The following ATF7 variants were observed in gnomAD, a reference collection of about 807,000 sequenced individuals.
ATF7 encodes activating transcription factor 7, also known as cyclic AMP-dependent transcription factor ATF-7.
In ATF7, 10 loss-of-function variants were observed where a neutral mutation model predicts 50.4. That is an observed-to-expected ratio of 0.20 (90% confidence interval 0.12 to 0.34). ATF7 has a LOEUF of 0.34. Ranked by LOEUF, ATF7 falls within the 10% of genes least tolerant of loss-of-function variation. The probability of loss-of-function intolerance (pLI) is 1.00; values close to 1 mark genes in which losing one functional copy is unlikely to be tolerated. For synonymous variants in ATF7, 201 were observed against 226.4 expected (o/e 0.89, Z 1.01); for missense variants, 465 against 613.9 (o/e 0.76, Z 2.56).
chr12:53,551,744 T>G (rs1181027814), intron 3 of ATF7, among the ~76,000 whole-genome samples: 1 of 152,224 alleles, frequency 6.6e-6, no homozygotes, highest in Non-Finnish European at 1.5e-5. Flanking sequence ...TTATATGAGT[T>G]ATTAACTAAT....
intron 2 of ATF7, among the ~76,000 whole-genome samples, chr12:53,574,060 G>GA (rs1941921129): frequency 1.3e-5 from 2 of 152,108 alleles, no homozygotes; most frequent in African/African-American, 4.8e-5. Context: ...ACAGAAAATT[G>GA]TAAGTCATAT....
At chr12:53,518,492 T>A (rs1354162882) in intron 11 of ATF7, among the ~76,000 whole-genome samples, 2 of 152,366 alleles carry the variant, frequency 1.3e-5, no homozygotes, top group East Asian at 3.9e-4. Flanking sequence ...GGTCTCACTC[T>A]GTCACCCAGG....
In ATF7 at chr12:53,524,726, C is replaced by T. The variant is rs766730069; in HGVS notation, c.963G>A (p.Gly321=). The change falls in exon 10 of 12, where the codon GGG becomes GGA. Residue 321 remains glycine, a synonymous_variant. Transcript: ENST00000420353. The surrounding 1 kb of genome is among the most constrained non-coding windows in gnomAD (Gnocchi z 4.6). ...SPAQPTPSTG[G]RRRRTVDEDP... is the part of the protein sequence containing the mutation. ...CTTCATCTACTGTGCGCCGCCGTCG[C>T]CCCCCAGTACTAGGGGTGGGCTGAG... The T allele has an allele frequency of 4.3e-5, 69 of 1,610,998 alleles. No individual in the cohort carries two copies. The South Asian group carries it at 5.4e-4, about 13-fold the overall frequency.
chr12:53,577,784 A>G (rs1208759318), intron 2 of ATF7, among the ~76,000 whole-genome samples: 1 of 152,128 alleles, frequency 6.6e-6, no homozygotes, highest in Non-Finnish European at 1.5e-5. Flanking sequence ...TTGCTAAACA[A>G]TAACTAAAGC....
chr12:53,545,000 C>T (rs1182398939), intron 3 of ATF7, among the ~76,000 whole-genome samples: 1 of 152,130 alleles, frequency 6.6e-6, no homozygotes, highest in East Asian at 1.9e-4. Flanking sequence ...TAGTATCATC[C>T]TTTATGCTTA....
intron 2 of ATF7, among the ~76,000 whole-genome samples, chr12:53,577,795 G>T (rs79204408): frequency 6.7e-6 from 1 of 150,288 alleles, no homozygotes; most frequent in Non-Finnish European, 1.5e-5. Context: ...TAACTAAAGC[G>T]ATAACTAAAA....
Position 53,534,533 on chromosome 12 carries a change from T to C in ATF7, c.529A>G (p.Thr177Ala), listed in dbSNP as rs767082558. 3.1e-5 allele frequency: 50 copies of C among 1,613,760 alleles called. No homozygotes were observed. Among genetic ancestry groups the C allele is most frequent in the Non-Finnish European group, 3.3e-5 (39 of 1,179,854 alleles). The stretch of plus-strand genomic sequence containing the variant: ...TGCCTGTTGGATGGTGGAGCCTGTG[T>C]GATGACAGAGGTTGGGGAGGGAAGG... ...PTLPSPTSVI[T>A]QAPPSNRQMG... is the part of the protein sequence containing the mutation. Residue 177 changes from threonine (T) to alanine (A), a missense_variant, in exon 6 of 12, where the codon ACA (threonine) becomes GCA (alanine). Thr to Ala is a moderately conservative substitution (Grantham distance 58). Coordinates refer to ENST00000420353, the MANE Select transcript of ATF7 (RefSeq NM_006856.3).
intron 2 of ATF7, among the ~76,000 whole-genome samples, chr12:53,585,588 G>A (rs1212124568): frequency 1.3e-5 from 2 of 152,172 alleles, no homozygotes; most frequent in Non-Finnish European, 2.9e-5. Flanking sequence ...CTAAGTAAAT[G>A]TGAATAGCTT....
At chr12:53,546,719 G>A (rs1167425072) in intron 3 of ATF7, among the ~76,000 whole-genome samples, 1 of 151,372 alleles carries the variant, frequency 6.6e-6, no homozygotes, top group Non-Finnish European at 1.5e-5. Context: ...CAAAGTGCTG[G>A]GATTACAGGC....
intron 3 of ATF7, among the ~76,000 whole-genome samples, chr12:53,548,151 G>C (rs945411560): frequency 6.6e-6 from 1 of 151,912 alleles, no homozygotes; most frequent in Non-Finnish European, 1.5e-5. Flanking sequence ...GTAGGCGTGA[G>C]GCACTGTGCC....
At chr12:53,521,043 A>AGC (rs1288938414) in intron 11 of ATF7, among the ~76,000 whole-genome samples, 11 of 149,040 alleles carry the variant, frequency 7.4e-5, no homozygotes, top group Non-Finnish European at 1.0e-4. Context: ...CCCAGGCTGG[A>AGC]GCGCAATGGC....
rs1467801631 is a variant in ATF7, at chr12:53,543,470, A to C, written c.146-22T>G. 1.9e-6 allele frequency: 3 copies of C among 1,546,384 alleles called. No individual in the cohort carries two copies. The South Asian group carries it at 3.7e-5, about 19-fold the overall frequency. On this transcript the variant is annotated intron_variant, in intron 3 of 11. Transcript: ENST00000420353. Reference sequence around the variant, plus strand: ...TGATCTGTAGACATGAAAGAAAAGGAAACTGTTTTAGTTTTGATCTGAAAT... The same window carrying C: ...TGATCTGTAGACATGAAAGAAAAGGCAACTGTTTTAGTTTTGATCTGAAAT...
chr12:53,551,454 A>C (rs1238823729), intron 3 of ATF7, among the ~76,000 whole-genome samples: 1 of 150,996 alleles, frequency 6.6e-6, no homozygotes, highest in Non-Finnish European at 1.5e-5. Context: ...GAGCCACCAC[A>C]CCTGATCTTC....
intron 2 of ATF7, among the ~76,000 whole-genome samples, chr12:53,587,381 A>G (rs1184550251): frequency 2.0e-5 from 3 of 148,094 alleles, no homozygotes; most frequent in Non-Finnish European, 3.0e-5. Flanking sequence ...AAAAAAAAAA[A>G]AAGAAGGAAA....
At chr12:53,605,571 C>T (rs1204964045) in intron 1 of ATF7, among the ~76,000 whole-genome samples, 3 of 152,146 alleles carry the variant, frequency 2.0e-5, no homozygotes, top group African/African-American at 4.8e-5. Context: ...GTAAATGAGA[C>T]AGATATGATT....
rs1937702337 is a variant in ATF7 at position 53,516,404 on chromosome 12, G to A, written c.*733C>T. On this transcript the variant is annotated 3_prime_UTR_variant, in exon 12 of 12. Coordinates refer to ENST00000420353, the MANE Select transcript of ATF7 (RefSeq NM_006856.3). ...ACCCCACCACTACACTAAAGTCAAG[G>A]GACAAAATGAGGTACCCAAATAGCT... 1 of 152,310 alleles carries A rather than the reference G, an allele frequency of 6.6e-6. No individual in the cohort carries two copies. The highest frequency in any genetic ancestry group is 6.6e-5 in the Admixed American group (1 of 15,262). The allele number at this position is 152,310 out of a possible 1,614,324, so 9.4% of individuals were successfully genotyped here.
intron 2 of ATF7, among the ~76,000 whole-genome samples, chr12:53,588,178 A>T (rs889125585): frequency 6.6e-6 from 1 of 152,138 alleles, no homozygotes; most frequent in Non-Finnish European, 1.5e-5. Flanking sequence ...CACTTAAATT[A>T]TTTCATGTAA....
chr12:53,567,103 C>T (rs2137598428), intron 2 of ATF7, among the ~76,000 whole-genome samples: 1 of 152,300 alleles, frequency 6.6e-6, no homozygotes, highest in African/African-American at 2.4e-5. Context: ...TGAAACCATT[C>T]CTAACCAATA....
At chr12:53,544,170 G>C (rs1245484425) in intron 3 of ATF7, among the ~76,000 whole-genome samples, 1 of 152,180 alleles carries the variant, frequency 6.6e-6, no homozygotes, top group Non-Finnish European at 1.5e-5. Flanking sequence ...ATGCCCACAG[G>C]GGCTGCACGA....
Sources: gnomAD v4.1 joint callset for allele counts (sites outside exome capture counted in the v4.1 genomes callset) on GRCh38, gnomAD v4.1.1 for gene constraint, Gnocchi (gnomAD v3.1) non-coding constraint, MANE v1.5 for transcripts, NCBI Gene and HGNC (gene_info 2026-07-23, HGNC 2026-07-21) for gene names.